The following SUN1 variants were observed in gnomAD, a reference collection of about 807,000 sequenced individuals.
SUN1 encodes the protein SUN domain-containing protein 1.
In SUN1, 61 loss-of-function variants were observed where a neutral mutation model predicts 103.2. That is an observed-to-expected ratio of 0.59 (90% CI 0.48 to 0.73). SUN1 has a LOEUF of 0.73. Among genes scored for constraint, SUN1 ranks in the 30% least tolerant of loss-of-function variants. The probability of loss-of-function intolerance (pLI) is 0.00; values close to 1 mark genes in which losing one functional copy is unlikely to be tolerated. For synonymous variants in SUN1, 490 were observed against 425.7 expected (o/e 1.15, Z -1.86); for missense variants, 1,052 against 1,034.6 (o/e 1.02, Z -0.23).
Position 841,988 on chromosome 7 carries a change from T to A in SUN1, c.309T>A (p.Ser103Arg), listed in dbSNP as rs1810486661. The change falls in exon 3 of 19, where the codon AGT becomes AGA. Residue 103 changes from serine (S) to arginine (R), a missense_variant. Transcript: ENST00000401592. ...GAAGCACAAACAAATCAGCTTTTAG[T>A]ATCAACCACGTGTCAAGGCAGGTCA... ...QRRSTNKSAF[S>R]INHVSRQVTS... is the part of the protein sequence containing the mutation. 1 of 1,614,226 alleles carries A rather than the reference T, an allele frequency of 6.2e-7. No homozygotes were observed. Among genetic ancestry groups the A allele is most frequent in the Non-Finnish European group, 8.5e-7 (1 of 1,180,048 alleles).
At chr7:840,492 C>T (rs1033311254) in intron 2 of SUN1, among the ~76,000 whole-genome samples, 2 of 152,252 alleles carry the variant, frequency 1.3e-5, no homozygotes, top group African/African-American at 4.8e-5. Context: ...GCCTCCCAAG[C>T]TTCCTTCGAA....
chr7:873,670 C>T lies in SUN1; in HGVS notation c.*339C>T, dbSNP rs114958892. On this transcript the variant is annotated 3_prime_UTR_variant, in exon 19 of 19. Transcript: ENST00000401592. The stretch of plus-strand genomic sequence containing the variant: ...AGCTGAGAGTCTGGCGTGTTCTTGA[C>T]GCTTTGGTCTTCAGCCTTGCACTGG... The T allele has an allele frequency of 9.1e-4, 196 of 214,238 alleles. No homozygotes were observed. Among genetic ancestry groups the T allele is most frequent in the African/African-American group, 3.5e-3 (151 of 43,688 alleles). 13.3% of individuals were successfully genotyped at this position (214,238 alleles called of 1,614,324 possible).
At chr7:817,416 A>C in intron 1 of SUN1, 1 of 1,535,566 alleles carries the variant, frequency 6.5e-7, no homozygotes, top group Non-Finnish European at 8.7e-7. Flanking sequence ...GTCTGGTGCA[A>C]AATAAGCAGC....
chr7:858,981 GC>G (rs1830014037), intron 13 of SUN1, among the ~76,000 whole-genome samples: 2 of 152,016 alleles, frequency 1.3e-5, no homozygotes, highest in South Asian at 4.2e-4. Flanking sequence ...TGGTGAAACC[GC>G]GTCTCTACTA....
chr7:872,724 G>A (rs1223107097), intron 18 of SUN1, among the ~76,000 whole-genome samples, 162 bp downstream of exon 18: 1 of 152,184 alleles, frequency 6.6e-6, no homozygotes, highest in African/African-American at 2.4e-5. Context: ...CCTTTCCATG[G>A]CTAATAGCGT....
At chr7:846,555 A>G (rs1815993794) in intron 5 of SUN1, among the ~76,000 whole-genome samples, 1 of 151,886 alleles carries the variant, frequency 6.6e-6, no homozygotes, top group Non-Finnish European at 1.5e-5. Context: ...AGCCTGGGCG[A>G]GAGTGAGACC....
intron 2 of SUN1, among the ~76,000 whole-genome samples, chr7:839,939 C>T (rs1051595680): frequency 3.9e-5 from 6 of 152,204 alleles, no homozygotes; most frequent in African/African-American, 1.4e-4. Flanking sequence ...TATTTGCGTT[C>T]GTCGAGTTCA....
intron 17 of SUN1, among the ~76,000 whole-genome samples, chr7:872,133 A>C (rs1316677778): frequency 2.0e-5 from 3 of 152,134 alleles, no homozygotes; most frequent in Non-Finnish European, 4.4e-5. Flanking sequence ...TTCCACTGTG[A>C]GTGCTGAGGG....
At position 860,110 on chromosome 7, in the gene SUN1, C is replaced by T. The variant is rs768301493; in HGVS notation, c.1525-18C>T. 25 of 1,611,464 alleles carry T rather than the reference C, an allele frequency of 1.6e-5. No individual in the cohort carries two copies. Among genetic ancestry groups the T allele is most frequent in the Middle Eastern group, 3.3e-4 (2 of 6,074 alleles). On this transcript the variant is annotated intron_variant, in intron 13 of 18. Transcript: ENST00000401592. ...TTAGTTAAAATAGGACATTTGTGTCCGTCTGCTGTTTTACTAGGTGGACGT... is the reference window on the plus strand; with the variant it reads ...TTAGTTAAAATAGGACATTTGTGTCTGTCTGCTGTTTTACTAGGTGGACGT...
intron 15 of SUN1, among the ~76,000 whole-genome samples, chr7:863,827 G>A (rs976271163): frequency 1.3e-5 from 2 of 152,144 alleles, no homozygotes; most frequent in Admixed American, 6.5e-5. Context: ...AGCAGTAGTG[G>A]GGGAAGGCCA....
chr7:872,899 C>G (rs186623090), intron 18 of SUN1, among the ~76,000 whole-genome samples: 3 of 151,810 alleles, frequency 2.0e-5, no homozygotes, highest in African/African-American at 7.3e-5. Flanking sequence ...CCAGCCTGAC[C>G]AACATGGCGA....
rs4721952 is a variant in SUN1 at position 866,149 on chromosome 7, A to G, written c.1980+82A>G. 0.63 allele frequency: 753,953 copies of G among 1,202,682 alleles called. 238,468 individuals carry two copies. Among genetic ancestry groups the G allele is most frequent in the East Asian group, 0.8 (33,023 of 41,254 alleles). 74.5% of individuals were successfully genotyped at this position (1,202,682 alleles called of 1,614,324 possible). ...TCACGGGTCGTAGGTCCACAGCTCC[A>G]TGGAACTTCGTAAGATGAACACGTC... On this transcript the variant is annotated intron_variant, in intron 16 of 18. Transcript: ENST00000401592.
At chr7:857,693 A>C in intron 12 of SUN1, 135 bp from the exon 13 acceptor site, 1 of 1,148,272 alleles carries the variant, frequency 8.7e-7, no homozygotes, top group Non-Finnish European at 1.2e-6. Flanking sequence ...TTTCCACGTT[A>C]GTGTGGCACA....
At chr7:871,864 G>A (rs1472207161) in intron 17 of SUN1, among the ~76,000 whole-genome samples, 1 of 152,182 alleles carries the variant, frequency 6.6e-6, no homozygotes. Context: ...ATAAGATAGA[G>A]CTTACTGTTC....
intron 13 of SUN1, 40 bp from the exon 14 acceptor site, chr7:860,088 G>C: frequency 1.2e-6 from 2 of 1,606,180 alleles, no homozygotes; most frequent in Non-Finnish European, 1.7e-6. Context: ...AAGTGATTTA[G>C]TTAAAATAGG....
At chr7:869,789 T>C (rs1201822040) in intron 17 of SUN1, among the ~76,000 whole-genome samples, 1 of 152,136 alleles carries the variant, frequency 6.6e-6, no homozygotes, top group African/African-American at 2.4e-5. Context: ...CCAAGTTGCC[T>C]GTGAAAGGTG....
intron 1 of SUN1, among the ~76,000 whole-genome samples, chr7:820,352 T>C (rs1478369282): frequency 6.6e-6 from 1 of 152,246 alleles, no homozygotes; most frequent in East Asian, 1.9e-4. Context: ...AAATGAATTG[T>C]TTTCCCAATT....
At chr7:832,375 C>A, upstream of SUN1, 2 of 764,712 alleles carry the variant, frequency 2.6e-6, no homozygotes, top group Non-Finnish European at 2.3e-6. Flanking sequence ...TGCTGCTGGC[C>A]GTGTTTCCTG....
rs756450543 is a variant in SUN1, at chr7:866,027, C to G, written c.1940C>G (p.Pro647Arg). 5 of 1,614,104 alleles carry G rather than the reference C, an allele frequency of 3.1e-6. No homozygotes were observed. The South Asian group carries it at 4.4e-5, about 14-fold the overall frequency. The change falls in exon 16 of 19, where the codon CCG (proline) becomes CGG (arginine). Residue 647 changes from proline (P) to arginine (R), a missense_variant. This residue lies in a region of SUN1 where 206 missense variants were observed against 260.1 expected (regional missense o/e 0.79). Coordinates refer to ENST00000401592, the MANE Select transcript of SUN1 (RefSeq NM_001130965.3). ...GCGCTGATGAGTCTGTTTGGGATCC[C>G]GCTGTGGTACTTCTCGCAGTCCCCG... ...KTALMSLFGI[P>R]LWYFSQSPRV...
Sources: gnomAD v4.1 joint callset for allele counts (sites outside exome capture counted in the v4.1 genomes callset) on GRCh38, gnomAD v4.1.1 for gene constraint, gnomAD v4.1.1 regional missense constraint, MANE v1.5 for transcripts, NCBI Gene and HGNC (gene_info 2026-07-23, HGNC 2026-07-21) for gene names.